Variants in VPS13B observed in about 807,000 individuals in gnomAD.
The protein encoded by VPS13B is vacuolar protein sorting 13 homolog B, also known as intermembrane lipid transfer protein VPS13B.
A neutral mutation model predicts 426.4 loss-of-function variants in VPS13B; 285 were observed. The observed-to-expected ratio is 0.67, with a 90% CI of 0.61 to 0.74. The LOEUF (loss-of-function observed/expected upper bound fraction) is 0.74, where lower values mean the gene tolerates loss of function less well. VPS13B is among the 30% of genes least tolerant of loss of function. The pLI is 0.00. For synonymous variants in VPS13B, 1,676 were observed against 1,676.4 expected (o/e 1.00, Z 0.01); for missense variants, 4,537 against 4,782.6 (o/e 0.95, Z 1.51).
intron 17 of VPS13B, among the ~76,000 whole-genome samples, chr8:99,210,821 C>T (rs1369826646): frequency 1.3e-5 from 2 of 152,106 alleles, no homozygotes; most frequent in Admixed American, 6.6e-5. Context: ...TGGTCTCCAA[C>T]TCCTGAGCTC....
chr8:99,208,289 T>C (rs1178364478), intron 17 of VPS13B, among the ~76,000 whole-genome samples: 11 of 152,134 alleles, frequency 7.2e-5, no homozygotes, highest in South Asian at 6.2e-4. Context: ...TCTCCATCAC[T>C]GGGGATTACA....
At chr8:99,859,667 A>G (rs1193397299) in intron 57 of VPS13B, among the ~76,000 whole-genome samples, 187 bp downstream of exon 57, 1 of 152,050 alleles carries the variant, frequency 6.6e-6, no homozygotes, top group Non-Finnish European at 1.5e-5. Context: ...ACAGATCACT[A>G]CTTGCCTCTG....
At chr8:99,345,371 C>T (rs1811482620) in intron 19 of VPS13B, among the ~76,000 whole-genome samples, 1 of 152,138 alleles carries the variant, frequency 6.6e-6, no homozygotes, top group African/African-American at 2.4e-5. Context: ...CACATAGTAA[C>T]TATTTTAGGC....
At chr8:99,410,554 A>G (rs1441514287) in intron 21 of VPS13B, among the ~76,000 whole-genome samples, 1 of 150,564 alleles carries the variant, frequency 6.6e-6, no homozygotes, top group East Asian at 1.9e-4. Context: ...TTATTTATTT[A>G]TTTATTTATT....
At chr8:99,079,881 C>T (rs1204903322) in intron 3 of VPS13B, among the ~76,000 whole-genome samples, 4 of 150,824 alleles carry the variant, frequency 2.7e-5, no homozygotes, top group South Asian at 2.1e-4. Context: ...GCCGAGATGG[C>T]GCCCCTGTGC....
intron 27 of VPS13B, 73 bp from the exon 28 acceptor site, chr8:99,507,064 A>G (rs1282710710): frequency 6.6e-7 from 1 of 1,519,124 alleles, no homozygotes; most frequent in African/African-American, 1.4e-5. Context: ...CTTATTTGAA[A>G]TAGTTATGTA....
At chr8:99,239,106 A>G (rs1208859663) in intron 17 of VPS13B, among the ~76,000 whole-genome samples, 1 of 152,166 alleles carries the variant, frequency 6.6e-6, no homozygotes, top group African/African-American at 2.4e-5. Context: ...TCCCAGTGTT[A>G]TCACATTCCA....
chr8:99,167,230 G>A (rs1330970763), intron 15 of VPS13B, among the ~76,000 whole-genome samples: 1 of 151,908 alleles, frequency 6.6e-6, no homozygotes, highest in Non-Finnish European at 1.5e-5. Flanking sequence ...TCTTCACAAG[G>A]TGTTCATTAT....
intron 29 of VPS13B, among the ~76,000 whole-genome samples, chr8:99,519,601 AC>A (rs1271053297): frequency 6.6e-6 from 1 of 152,146 alleles, no homozygotes; most frequent in Non-Finnish European, 1.5e-5. Context: ...ACACATATAT[AC>A]CATGGAAGAC....
At chr8:99,544,733 C>A (rs1001981553) in intron 30 of VPS13B, among the ~76,000 whole-genome samples, 1 of 152,158 alleles carries the variant, frequency 6.6e-6, no homozygotes. Flanking sequence ...GCATCCTTAT[C>A]CCAGCTACAC....
At chr8:99,402,573 C>T (rs532329493) in intron 21 of VPS13B, among the ~76,000 whole-genome samples, 1 of 152,122 alleles carries the variant, frequency 6.6e-6, no homozygotes, top group African/African-American at 2.4e-5. Flanking sequence ...TCCTGCAGAT[C>T]CCAAGGAGCC....
chr8:99,187,083 A>G (rs902307600), intron 16 of VPS13B, among the ~76,000 whole-genome samples: 2 of 152,220 alleles, frequency 1.3e-5, no homozygotes, highest in African/African-American at 4.8e-5. Context: ...GGCTCTTGCT[A>G]CACGATAGGA....
intron 57 of VPS13B, among the ~76,000 whole-genome samples, chr8:99,861,071 C>T (rs1275891810): frequency 6.6e-6 from 1 of 152,200 alleles, no homozygotes; most frequent in African/African-American, 2.4e-5. Context: ...AACTTAGCAA[C>T]ATAACTTTAC....
chr8:99,225,971 G>C (rs1426943352), intron 17 of VPS13B, among the ~76,000 whole-genome samples: 1 of 151,944 alleles, frequency 6.6e-6, no homozygotes, highest in African/African-American at 2.4e-5. Flanking sequence ...TTGAGACAGA[G>C]TCTCGCTCTG....
intron 33 of VPS13B, among the ~76,000 whole-genome samples, chr8:99,580,990 C>CACACAA (rs1181291317): frequency 8.5e-6 from 1 of 117,824 alleles, no homozygotes; most frequent in East Asian, 2.3e-4. Flanking sequence ...ACAAAACACA[C>CACACAA]ACACACACAC....
At chr8:99,111,905 GA>G (rs1847390236) in intron 6 of VPS13B, among the ~76,000 whole-genome samples, 1 of 152,036 alleles carries the variant, frequency 6.6e-6, no homozygotes, top group Non-Finnish European at 1.5e-5. Context: ...TCCAGATAGT[GA>G]ACATAGTACC....
At chr8:99,862,862 A>T (rs952776714) in intron 58 of VPS13B, among the ~76,000 whole-genome samples, 1 of 152,216 alleles carries the variant, frequency 6.6e-6, no homozygotes, top group African/African-American at 2.4e-5. Context: ...TGGAAATTAT[A>T]TAGGTAAAAA....
chr8:99,100,254 T>C (rs537030409), intron 4 of VPS13B, among the ~76,000 whole-genome samples: 1 of 152,270 alleles, frequency 6.6e-6, no homozygotes, highest in African/African-American at 2.4e-5. Context: ...TCATCTCAAT[T>C]TGTATGTCAG....
At chr8:99,689,326 A>G (rs538275980) in intron 35 of VPS13B, among the ~76,000 whole-genome samples, 21 of 150,932 alleles carry the variant, frequency 1.4e-4, no homozygotes, top group Non-Finnish European at 2.2e-4. Flanking sequence ...ATATTAAAAT[A>G]TAGGACAGTC....
Sources: allele counts gnomAD v4.1 joint callset (sites outside exome capture counted in the v4.1 genomes callset), GRCh38; gene constraint gnomAD v4.1.1; transcripts MANE v1.5; gene names NCBI Gene and HGNC (gene_info 2026-07-23, HGNC 2026-07-21).